PRRC2B: variants seen among roughly 807,000 people sequenced by gnomAD.
PRRC2B encodes the protein proline rich coiled-coil 2B.
PRRC2B carries 68 observed loss-of-function variants against 242.3 expected under a neutral mutation model. The ratio of observed to expected loss-of-function variants is 0.28; its 90% CI spans 0.23 to 0.34. PRRC2B has a LOEUF of 0.34. Among genes scored for constraint, PRRC2B ranks in the 10% least tolerant of loss-of-function variants. The pLI is 1.00. For synonymous variants in PRRC2B, 1,228 were observed against 1,173.6 expected, an observed-to-expected ratio of 1.05 and a Z score of -0.95; for missense variants, 2,835 against 2,954.8, an observed-to-expected ratio of 0.96 and a Z score of 0.94.
At chr9:131,411,438 C>T (rs1405601195) in intron 1 of PRRC2B, among the ~76,000 whole-genome samples, 8 of 150,648 alleles carry the variant, frequency 5.3e-5, no homozygotes, top group African/African-American at 1.7e-4. Context: ...GCTCCACCTC[C>T]CGGGTTCACT....
intron 1 of PRRC2B, among the ~76,000 whole-genome samples, chr9:131,428,296 C>T (rs1280837460): frequency 6.6e-6 from 1 of 152,166 alleles, no homozygotes; most frequent in Non-Finnish European, 1.5e-5. Flanking sequence ...TCATAGCTCA[C>T]TGCAGCCTCA....
intron 1 of PRRC2B, among the ~76,000 whole-genome samples, chr9:131,418,826 A>T (rs1837725975): frequency 6.6e-6 from 1 of 152,224 alleles, no homozygotes; most frequent in Non-Finnish European, 1.5e-5. Context: ...ACAGTGTTTT[A>T]TGACCCTTAC....
intron 1 of PRRC2B, among the ~76,000 whole-genome samples, chr9:131,395,146 T>G (rs1001358779): frequency 6.6e-5 from 10 of 151,852 alleles, no homozygotes; most frequent in African/African-American, 2.4e-4. Context: ...ATTGGAGGTG[T>G]TTTCAGTGGT....
intron 13 of PRRC2B, among the ~76,000 whole-genome samples, chr9:131,468,904 T>C (rs1188291595): frequency 6.6e-6 from 1 of 152,098 alleles, no homozygotes. Flanking sequence ...AGGCGAGCAC[T>C]GCACAGTTAC....
intron 3 of PRRC2B, among the ~76,000 whole-genome samples, chr9:131,433,212 G>A (rs1838236824): frequency 6.6e-6 from 1 of 152,172 alleles, no homozygotes; most frequent in Non-Finnish European, 1.5e-5. Flanking sequence ...GCTGAGCTCT[G>A]CAGAGAATCA....
At chr9:131,421,579 C>T (rs958369290) in intron 1 of PRRC2B, among the ~76,000 whole-genome samples, 1 of 152,194 alleles carries the variant, frequency 6.6e-6, no homozygotes, top group African/African-American at 2.4e-5. Context: ...AGAGACATTC[C>T]ACCTTTCTCT....
At position 131,467,820 on chromosome 9, in the gene PRRC2B, C is replaced by T. The variant is rs531849490; in HGVS notation, c.1911+67C>T. The T allele has an allele frequency of 9.4e-5, 143 of 1,519,754 alleles. No homozygotes were observed. In the African/African-American group the frequency reaches 1.7e-3, roughly 18 times the overall value. 94.1% of individuals were successfully genotyped at this position (1,519,754 alleles called of 1,614,324 possible). A position where few individuals can be genotyped will look rare whatever the true frequency, so the allele number is the denominator to read the frequency against. On this transcript the variant is annotated intron_variant, in intron 13 of 31. Transcript: ENST00000683519. ...GAGTGCCGAGCAGATGTTTCCCCTCCTCGTCCCCATGCCCCACCTCCAACT... is the reference window on the plus strand; with the variant it reads ...GAGTGCCGAGCAGATGTTTCCCCTCTTCGTCCCCATGCCCCACCTCCAACT...
Position 131,494,467 on chromosome 9 carries a change from A to G in PRRC2B, c.6536A>G (p.Gln2179Arg). The G allele has an allele frequency of 6.3e-6, 10 of 1,599,410 alleles. No individual in the cohort carries two copies. Among genetic ancestry groups the G allele is most frequent in the Non-Finnish European group, 8.6e-6 (10 of 1,169,370 alleles). ...SGSAVNMGSV[Q>R]GHYVQQAKQR... The stretch of plus-strand genomic sequence containing the variant: ...TCAGCAGTTAACATGGGCTCTGTGC[A>G]GGGACACTACGTGCAACAGGTAGAA... Residue 2179 changes from glutamine to arginine, a missense_variant, in exon 31 of 32, where the codon CAG becomes CGG. Physicochemically the swap from Gln to Arg is conservative, Grantham distance 43 (BLOSUM62 1). Around this residue, in one of 7 missense-constraint regions of PRRC2B, gnomAD observed 574 missense variants for 626.0 expected, o/e 0.92. Coordinates refer to ENST00000683519, the MANE Select transcript of PRRC2B (RefSeq NM_013318.4). The surrounding 1 kb of genome is among the most constrained non-coding windows in gnomAD (Gnocchi z 4.3).
At chr9:131,432,895 G>A in intron 3 of PRRC2B, 101 bp downstream of exon 3, 2 of 1,206,404 alleles carry the variant, frequency 1.7e-6, no homozygotes, top group Admixed American at 4.8e-5. Context: ...GGCTACTGCA[G>A]CGCTAGTCTT....
intron 10 of PRRC2B, among the ~76,000 whole-genome samples, 190 bp downstream of exon 10, chr9:131,455,356 C>T (rs1202486568): frequency 6.6e-6 from 1 of 152,064 alleles, no homozygotes; most frequent in Non-Finnish European, 1.5e-5. Flanking sequence ...GCAGGTGTGA[C>T]TGTGTCCTGT....
intron 6 of PRRC2B, among the ~76,000 whole-genome samples, chr9:131,445,046 C>T (rs1369868971): frequency 2.6e-5 from 4 of 152,132 alleles, no homozygotes; most frequent in East Asian, 3.8e-4. Flanking sequence ...TCCCCAAGGC[C>T]TCTCCCATTC....
chr9:131,409,499 T>C (rs760268451), intron 1 of PRRC2B, among the ~76,000 whole-genome samples: 1 of 152,256 alleles, frequency 6.6e-6, no homozygotes, highest in Non-Finnish European at 1.5e-5. Context: ...TAGTATCTTT[T>C]GAATTTGTCT....
At chr9:131,474,182 C>T (rs1162925430) in intron 15 of PRRC2B, among the ~76,000 whole-genome samples, 3 of 152,276 alleles carry the variant, frequency 2.0e-5, no homozygotes, top group Non-Finnish European at 4.4e-5. Flanking sequence ...ACCCAGCCTG[C>T]GGCCACGACA....
chr9:131,415,627 T>TC (rs760116528), intron 1 of PRRC2B, among the ~76,000 whole-genome samples: 44 of 152,252 alleles, frequency 2.9e-4, no homozygotes, highest in Non-Finnish European at 5.7e-4. Flanking sequence ...CTTGGTCAGC[T>TC]GAGTATTGGA....
At position 131,475,012 on chromosome 9, in the gene PRRC2B, G is replaced by A. The variant is rs1282284238; in HGVS notation, c.2883G>A (p.Lys961=). ...AAGACAAGGAGAAGGAGCTTGAGAA[G>A]ATTAAGCAGGAGCTAGGGGAGGAGA... The part of the protein sequence containing the change: ...KVEDKEKELE[K]IKQELGEEST... Residue 961 remains lysine (K), a synonymous_variant, in exon 16 of 32, where the codon AAG becomes AAA. Transcript: ENST00000683519. 8.7e-6 allele frequency: 14 copies of A among 1,604,464 alleles called. No homozygotes were observed. Among genetic ancestry groups the A allele is most frequent in the Non-Finnish European group, 1.1e-5 (13 of 1,175,508 alleles).
chr9:131,486,232 A>G (rs985914771), intron 26 of PRRC2B, 50 bp downstream of exon 26: 6 of 1,266,554 alleles, frequency 4.7e-6, no homozygotes, highest in African/African-American at 1.5e-5. Flanking sequence ...GGGAGGAGCC[A>G]GTGCAGGGCG....
At position 131,470,990 on chromosome 9, in the gene PRRC2B, A is replaced by G. The variant is rs569155380; in HGVS notation, c.2107+7A>G. On this transcript the variant is annotated splice_region_variant and intron_variant, in intron 14 of 31. Coordinates refer to ENST00000683519, the MANE Select transcript of PRRC2B (RefSeq NM_013318.4). ...TCCGCCCTGCATCCCTCAGGTAAGC[A>G]CTGTGGTCTGACGGTCCATACCTGT... 5.6e-6 allele frequency: 9 copies of G among 1,603,940 alleles called. No individual in the cohort carries two copies. The highest frequency in any genetic ancestry group is 7.7e-6 in the Non-Finnish European group (9 of 1,174,226).
intron 1 of PRRC2B, among the ~76,000 whole-genome samples, chr9:131,398,980 A>C (rs996846084): frequency 2.0e-5 from 3 of 151,116 alleles, no homozygotes; most frequent in Non-Finnish European, 4.4e-5. Context: ...CCTGTCTCAA[A>C]AGAATAAAAA....
intron 2 of PRRC2B, among the ~76,000 whole-genome samples, chr9:131,430,649 G>A (rs1248166092): frequency 5.3e-5 from 8 of 151,144 alleles, no homozygotes; most frequent in Admixed American, 4.6e-4. Flanking sequence ...CTGGAGTTCA[G>A]TGGCATGATC....
Sources: allele counts gnomAD v4.1 joint callset (sites outside exome capture counted in the v4.1 genomes callset), GRCh38; gene constraint gnomAD v4.1.1; regional missense constraint gnomAD v4.1.1; non-coding constraint Gnocchi (gnomAD v3.1); transcripts MANE v1.5; gene names NCBI Gene and HGNC (gene_info 2026-07-23, HGNC 2026-07-21).